VAV2: variants seen among roughly 807,000 people sequenced by gnomAD.
VAV2 encodes the protein guanine nucleotide exchange factor VAV2.
In VAV2, 67 loss-of-function variants were observed where a neutral mutation model predicts 132.5. That is an observed-to-expected ratio of 0.51 (90% CI 0.42 to 0.62). VAV2 has a LOEUF of 0.62. VAV2 is among the 20% of genes least tolerant of loss of function. VAV2 has a pLI of 0.00. For missense variants in VAV2, 938 were observed against 1,153.6 expected, an observed-to-expected ratio of 0.81 and a Z score of 2.71; for synonymous variants, 492 against 443.5, an observed-to-expected ratio of 1.11 and a Z score of -1.37.
chr9:133,952,530 G>T (rs1841595000), intron 1 of VAV2, among the ~76,000 whole-genome samples: 1 of 151,912 alleles, frequency 6.6e-6, no homozygotes, highest in Non-Finnish European at 1.5e-5. Flanking sequence ...TTGAACCCAG[G>T]AGGCGGAGGT....
intron 4 of VAV2, 54 bp from the exon 5 acceptor site, chr9:133,812,270 G>T: frequency 1.9e-6 from 3 of 1,571,052 alleles, no homozygotes; most frequent in Non-Finnish European, 2.6e-6. Flanking sequence ...CACCCTGACC[G>T]GGGAGCCGCA....
intron 1 of VAV2, among the ~76,000 whole-genome samples, chr9:133,952,339 C>T (rs1224394095): frequency 2.6e-5 from 4 of 152,044 alleles, no homozygotes; most frequent in Admixed American, 6.6e-5. Context: ...TGCGGTGGCT[C>T]ACGTCTATAG....
At chr9:133,770,247 G>C in intron 27 of VAV2, 131 bp downstream of exon 27, 1 of 1,399,868 alleles carries the variant, frequency 7.1e-7, no homozygotes, top group African/African-American at 1.4e-5. Context: ...GCTGGGGGAG[G>C]GGCGGGGGCT....
Position 133,763,168 on chromosome 9 carries a change from C to A in VAV2, c.*894G>T, listed in dbSNP as rs183449173. On this transcript the variant is annotated 3_prime_UTR_variant, in exon 30 of 30. Transcript: ENST00000371850. The surrounding 1 kb of genome is among the most constrained non-coding windows in gnomAD (Gnocchi z 6.8). Reference sequence around the variant, plus strand: ...ACCACCCTTCAGGAGAGCAGAGGGGCCTCCTGGAGAGGGACCTGGCAGGGA... The same window carrying A: ...ACCACCCTTCAGGAGAGCAGAGGGGACTCCTGGAGAGGGACCTGGCAGGGA... 7 of 152,532 alleles carry A rather than the reference C, an allele frequency of 4.6e-5. No individual in the cohort carries two copies. The highest frequency in any genetic ancestry group is 4.2e-4 in the South Asian group (2 of 4,816). 9.4% of individuals were successfully genotyped at this position (152,532 alleles called of 1,614,324 possible). A position where few individuals can be genotyped will look rare whatever the true frequency, so the allele number is the denominator to read the frequency against.
At chr9:133,842,833 T>C (rs954158262) in intron 3 of VAV2, among the ~76,000 whole-genome samples, 3 of 152,138 alleles carry the variant, frequency 2.0e-5, no homozygotes, top group African/African-American at 7.2e-5. Context: ...AGCCGGGCCC[T>C]AGCCCTTTTG....
intron 2 of VAV2, among the ~76,000 whole-genome samples, chr9:133,929,290 T>C (rs944275509): frequency 4.0e-5 from 6 of 151,766 alleles, no homozygotes; most frequent in Non-Finnish European, 7.4e-5. Flanking sequence ...GGTGGGTTTG[T>C]GGTGGGGGAA....
At chr9:133,880,034 G>A (rs1019438568) in intron 2 of VAV2, among the ~76,000 whole-genome samples, 8 of 152,216 alleles carry the variant, frequency 5.3e-5, no homozygotes, top group South Asian at 4.1e-4. Flanking sequence ...GTGAGGACAC[G>A]GATAAGGACA....
At chr9:133,982,409 G>T (rs1374357806) in intron 1 of VAV2, among the ~76,000 whole-genome samples, 1 of 126,256 alleles carries the variant, frequency 7.9e-6, no homozygotes, top group Non-Finnish European at 1.8e-5. Context: ...AGGCTGGCAG[G>T]GCAGGAGGCC....
chr9:133,796,104 T>C (rs575368794), intron 11 of VAV2, among the ~76,000 whole-genome samples: 1 of 152,330 alleles, frequency 6.6e-6, no homozygotes, highest in African/African-American at 2.4e-5. Context: ...CCTGAAGCCC[T>C]TCCATGTCCA....
chr9:133,967,856 C>T (rs1055850891), intron 1 of VAV2, among the ~76,000 whole-genome samples: 1 of 150,466 alleles, frequency 6.6e-6, no homozygotes, highest in African/African-American at 2.5e-5. Context: ...TGGCTTGAAC[C>T]CACGAGGTGG....
intron 2 of VAV2, among the ~76,000 whole-genome samples, chr9:133,882,453 A>T (rs1231625052): frequency 6.6e-6 from 1 of 152,182 alleles, no homozygotes; most frequent in Non-Finnish European, 1.5e-5. Flanking sequence ...AAATAGGATC[A>T]CAGCGGATGT....
intron 2 of VAV2, among the ~76,000 whole-genome samples, chr9:133,924,455 G>A (rs1051337780): frequency 2.0e-5 from 3 of 152,196 alleles, no homozygotes; most frequent in Non-Finnish European, 2.9e-5. Context: ...CCAAAGTGCC[G>A]GGATTACAGG....
intron 11 of VAV2, 67 bp from the exon 12 acceptor site, chr9:133,795,803 C>CTGG (rs1287849839): frequency 6.5e-7 from 1 of 1,541,282 alleles, no homozygotes; most frequent in African/African-American, 1.4e-5. Flanking sequence ...TGGCCCCTAC[C>CTGG]TGGGGCAGGA....
In VAV2 at chr9:133,770,518, C is replaced by T; in HGVS notation, c.2224-17G>A. The T allele has an allele frequency of 6.2e-7, 1 of 1,612,352 alleles. No individual in the cohort carries two copies. The highest frequency in any genetic ancestry group is 8.5e-7 in the Non-Finnish European group (1 of 1,178,682). ...CACCAACTCCTGCAGGGCGTACACA[C>T]TCACTGACAGCTGCTGCCACCTCCA... On this transcript the variant is annotated splice_polypyrimidine_tract_variant and intron_variant, in intron 26 of 29. Transcript: ENST00000371850.
At position 133,788,537 on chromosome 9, in the gene VAV2, G is replaced by A. The variant is rs888603323; in HGVS notation, c.1275-51C>T. On this transcript the variant is annotated intron_variant, in intron 14 of 29. Coordinates refer to ENST00000371850, the MANE Select transcript of VAV2 (RefSeq NM_001134398.2). The surrounding 1 kb of genome is among the most constrained non-coding windows in gnomAD (Gnocchi z 5.3). ...TCAGCACCCCAGCACTGTGTGCTCTGCTCCGAGGAGGCGGCAGGAGCTGAG... is the reference window on the plus strand; with the variant it reads ...TCAGCACCCCAGCACTGTGTGCTCTACTCCGAGGAGGCGGCAGGAGCTGAG... 1 of 1,574,760 alleles carries A rather than the reference G, an allele frequency of 6.4e-7. No individual in the cohort carries two copies. The highest frequency in any genetic ancestry group is 8.7e-7 in the Non-Finnish European group (1 of 1,150,538).
At chr9:133,966,632 T>C (rs1223810277) in intron 1 of VAV2, among the ~76,000 whole-genome samples, 2 of 151,634 alleles carry the variant, frequency 1.3e-5, no homozygotes, top group Non-Finnish European at 2.9e-5. Flanking sequence ...GCCTAGGAGG[T>C]AGAGGCTGCA....
chr9:133,928,647 G>A lies in VAV2; in HGVS notation c.321+10456C>T, dbSNP rs1404393714. Among the ~76,000 whole-genome samples, 1 of 152,172 alleles carries A rather than the reference G, an allele frequency of 6.6e-6. No homozygotes were observed. Among genetic ancestry groups the A allele is most frequent in the Non-Finnish European group, 1.5e-5 (1 of 68,036 alleles). ...AAGAGGAAATGAACAAACACATGCA[G>A]CCTCGGGGCCTGGGTGTGGAGATAA... On this transcript the variant is annotated intron_variant, in intron 2 of 29. Transcript: ENST00000371850. This position sits in a 1 kb window ranked among gnomAD's most constrained non-coding sequence, Gnocchi z 5.4.
Position 133,883,092 on chromosome 9 carries a change from T to C in VAV2, c.322-21660A>G, listed in dbSNP as rs1195581931. ...ACAACCTCCCCAGGCTCCATCCCTA[T>C]GTCCCCACCCCCTGCTGCTCTCTCT... On this transcript the variant is annotated intron_variant, in intron 2 of 29. Transcript: ENST00000371850. This position sits in a 1 kb window ranked among gnomAD's most constrained non-coding sequence, Gnocchi z 4.2. Among the ~76,000 whole-genome samples, 1 of 151,880 alleles carries C rather than the reference T, an allele frequency of 6.6e-6. No homozygotes were observed. Among genetic ancestry groups the C allele is most frequent in the African/African-American group, 2.4e-5 (1 of 41,344 alleles).
intron 5 of VAV2, among the ~76,000 whole-genome samples, chr9:133,811,076 AG>A (rs1197255488): frequency 1.3e-5 from 2 of 152,212 alleles, no homozygotes; most frequent in Non-Finnish European, 2.9e-5. Flanking sequence ...CTACCCAGCC[AG>A]GCTCCCCGGG....
Sources: allele counts gnomAD v4.1 joint callset (sites outside exome capture counted in the v4.1 genomes callset), GRCh38; gene constraint gnomAD v4.1.1; non-coding constraint Gnocchi (gnomAD v3.1); transcripts MANE v1.5; gene names NCBI Gene and HGNC (gene_info 2026-07-23, HGNC 2026-07-21).